The following EFL1 variants were observed in gnomAD, a reference collection of about 807,000 sequenced individuals.
EFL1 encodes elongation factor like GTPase 1, also known as elongation factor-like GTPase 1.
Under a neutral mutation model 126.7 loss-of-function variants are expected in EFL1, and 76 were observed. That is an observed-to-expected ratio of 0.60 (90% CI 0.50 to 0.73). The LOEUF is 0.73. EFL1 is among the 30% of genes least tolerant of loss of function. The probability of loss-of-function intolerance (pLI) is 0.00; values close to 1 mark genes in which losing one functional copy is unlikely to be tolerated. For synonymous variants in EFL1, 410 were observed against 448.4 expected (o/e 0.91, Z 1.08); for missense variants, 1,128 against 1,343.2 (o/e 0.84, Z 2.50).
At chr15:82,166,569 T>C (rs1327857377) in intron 15 of EFL1, among the ~76,000 whole-genome samples, 1 of 152,220 alleles carries the variant, frequency 6.6e-6, no homozygotes, top group African/African-American at 2.4e-5. Context: ...ACTTTAAAAT[T>C]CCTTTTCAGA....
chr15:82,186,988 T>C (rs1367426060), intron 15 of EFL1, among the ~76,000 whole-genome samples: 1 of 148,284 alleles, frequency 6.7e-6, no homozygotes, highest in African/African-American at 2.7e-5. Flanking sequence ...TAGAGGTATG[T>C]TGTTTGTCAT....
At chr15:82,157,530 A>T in intron 17 of EFL1, 183 bp downstream of exon 17, 1 of 647,762 alleles carries the variant, frequency 1.5e-6, no homozygotes, top group Non-Finnish European at 2.4e-6. Flanking sequence ...GTAGGCAGTG[A>T]ATGCCATTTT....
rs1291539747 is a variant in EFL1 at position 82,230,989 on chromosome 15, G to C, written c.732-18C>G. ...GCTCAATTCTGAAAGAAGACCAAAT[G>C]TTCATGTTATTAATAACAACGATTA... On this transcript the variant is annotated intron_variant, in intron 7 of 19. Coordinates refer to ENST00000268206, the MANE Select transcript of EFL1 (RefSeq NM_024580.6). 1.9e-6 allele frequency: 3 copies of C among 1,606,540 alleles called. No individual in the cohort carries two copies. The highest frequency in any genetic ancestry group is 2.5e-6 in the Non-Finnish European group (3 of 1,177,404).
intron 5 of EFL1, among the ~76,000 whole-genome samples, chr15:82,240,828 C>T (rs2074923495): frequency 1.3e-5 from 2 of 152,136 alleles, no homozygotes; most frequent in Non-Finnish European, 2.9e-5. Context: ...GGCAGGTGGA[C>T]TGCTTGAGGC....
intron 12 of EFL1, among the ~76,000 whole-genome samples, chr15:82,223,859 C>T (rs1016227996): frequency 7.2e-5 from 11 of 152,182 alleles, no homozygotes; most frequent in Admixed American, 5.2e-4. Flanking sequence ...CTGTTATTCC[C>T]CCATTTGGAT....
At chr15:82,136,006 T>C (rs1302930475) in intron 19 of EFL1, among the ~76,000 whole-genome samples, 1 of 152,122 alleles carries the variant, frequency 6.6e-6, no homozygotes, top group African/African-American at 2.4e-5. Flanking sequence ...CTGCCTTATT[T>C]GAGCCACTAT....
Position 82,130,537 on chromosome 15 carries a change from C to A in EFL1, c.3199G>T (p.Val1067Leu). 6.2e-7 allele frequency: 1 copy of A among 1,614,064 alleles called. No individual in the cohort carries two copies. Among genetic ancestry groups the A allele is most frequent in the Non-Finnish European group, 8.5e-7 (1 of 1,180,016 alleles). Residue 1067 changes from valine (V) to leucine (L), a missense_variant, in exon 20 of 20, where the codon GTG becomes TTG. Physicochemically the swap from Val to Leu is conservative, Grantham distance 32. Around this residue, in one of 6 missense-constraint regions of EFL1, gnomAD observed 561 missense variants for 641.7 expected, o/e 0.87. Transcript: ENST00000268206. ...AAGTATTCCTCCTCAGTAGTTGGCACCCAGAAGGGGTCACTGGGAATGATC... is the reference window on the plus strand; with the variant it reads ...AAGTATTCCTCCTCAGTAGTTGGCAACCAGAAGGGGTCACTGGGAATGATC... ...WEIIPSDPFW[V>L]PTTEEEYLHF...
At chr15:82,137,936 T>C (rs563563828) in intron 19 of EFL1, among the ~76,000 whole-genome samples, 1 of 152,344 alleles carries the variant, frequency 6.6e-6, no homozygotes, top group South Asian at 2.1e-4. Context: ...ACAGCTGGTC[T>C]GACCTTATCT....
At chr15:82,160,224 T>A (rs963463078) in intron 16 of EFL1, among the ~76,000 whole-genome samples, 1 of 152,206 alleles carries the variant, frequency 6.6e-6, no homozygotes, top group Non-Finnish European at 1.5e-5. Context: ...CAAACAGTCA[T>A]GTAGAGAGGA....
intron 7 of EFL1, among the ~76,000 whole-genome samples, chr15:82,232,265 C>T (rs574190798): frequency 4.1e-4 from 63 of 152,252 alleles, no homozygotes; most frequent in African/African-American, 1.4e-3. Flanking sequence ...TCCATATTGG[C>T]GACTTGGGTC....
At chr15:82,153,294 TACA>T (rs1267419350) in intron 17 of EFL1, among the ~76,000 whole-genome samples, 1 of 152,152 alleles carries the variant, frequency 6.6e-6, no homozygotes, top group African/African-American at 2.4e-5. Flanking sequence ...TCACAGGATA[TACA>T]ACAAGATGGA....
intron 15 of EFL1, among the ~76,000 whole-genome samples, chr15:82,167,053 G>C (rs1217698492): frequency 6.6e-6 from 1 of 152,156 alleles, no homozygotes; most frequent in Non-Finnish European, 1.5e-5. Context: ...TTTGATTTTA[G>C]TCACTATATT....
chr15:82,240,582 A>G lies in EFL1; in HGVS notation c.379-27T>C, dbSNP rs774257043. The G allele has an allele frequency of 3.7e-6, 6 of 1,610,342 alleles. No homozygotes were observed. The Admixed American group carries it at 5.1e-5, about 14-fold the overall frequency. On this transcript the variant is annotated intron_variant, in intron 5 of 19. Coordinates refer to ENST00000268206, the MANE Select transcript of EFL1 (RefSeq NM_024580.6). ...TGATAAAAACAGAAAGAAAAATGTA[A>G]AACTCATGATTTGAAATAATTAGAG...
intron 19 of EFL1, among the ~76,000 whole-genome samples, chr15:82,135,823 T>C (rs932200339): frequency 6.6e-6 from 1 of 152,192 alleles, no homozygotes; most frequent in Non-Finnish European, 1.5e-5. Flanking sequence ...CTCATCCCTA[T>C]TCTTATTGGC....
chr15:82,181,622 ATGTGTGTGTG>A (rs35063141), intron 15 of EFL1, among the ~76,000 whole-genome samples: 2 of 149,374 alleles, frequency 1.3e-5, no homozygotes, highest in African/African-American at 5.0e-5. Context: ...ATGTGTGTGC[ATGTGTGTGTG>A]TGTGTGTGTG....
chr15:82,172,497 T>C lies in EFL1; in HGVS notation c.1751-8513A>G, dbSNP rs567399606. On this transcript the variant is annotated intron_variant, in intron 15 of 19. Transcript: ENST00000268206. The stretch of plus-strand genomic sequence containing the variant: ...CCAGTGCTTTGCATGTGTGAAAATA[T>C]CTTCCCGTACAAGAATTACCCTCTT... Among the ~76,000 whole-genome samples the C allele has an allele frequency of 3.3e-5, 5 of 152,320 alleles. No homozygotes were observed. In the East Asian group the frequency reaches 9.7e-4, roughly 29 times the overall value.
intron 16 of EFL1, among the ~76,000 whole-genome samples, chr15:82,158,405 A>G (rs763140834): frequency 2.0e-5 from 3 of 152,078 alleles, no homozygotes; most frequent in Non-Finnish European, 2.9e-5. Flanking sequence ...TTCTGCATGT[A>G]TTTTTCATAT....
intron 15 of EFL1, among the ~76,000 whole-genome samples, chr15:82,209,288 CAT>C (rs766004304): frequency 5.0e-4 from 75 of 150,674 alleles, no homozygotes; most frequent in Non-Finnish European, 9.3e-4. Context: ...GGTTACCCCA[CAT>C]GACTAAGGAT....
At chr15:82,164,827 G>A (rs2074061306) in intron 15 of EFL1, among the ~76,000 whole-genome samples, 3 of 151,704 alleles carry the variant, frequency 2.0e-5, no homozygotes, top group Admixed American at 2.0e-4. Context: ...AACCTGGGAG[G>A]CGGGGGATGC....
Sources: allele counts gnomAD v4.1 joint callset (sites outside exome capture counted in the v4.1 genomes callset), GRCh38; gene constraint gnomAD v4.1.1; regional missense constraint gnomAD v4.1.1; transcripts MANE v1.5; gene names NCBI Gene and HGNC (gene_info 2026-07-23, HGNC 2026-07-21).